Variants in GABRB1 observed in about 807,000 individuals in gnomAD.
GABRB1 encodes gamma-aminobutyric acid type A receptor subunit beta1, also known as gamma-aminobutyric acid receptor subunit beta-1.
GABRB1 carries 17 observed loss-of-function variants against 51.6 expected under a neutral mutation model. The ratio of observed to expected loss-of-function variants is 0.33; its 90% CI spans 0.23 to 0.49. The LOEUF (loss-of-function observed/expected upper bound fraction) is 0.49, where lower values mean the gene tolerates loss of function less well. GABRB1 is among the 20% of genes least tolerant of loss of function. The pLI is 0.99. For synonymous variants in GABRB1, 247 were observed against 218.9 expected (o/e 1.13, Z -1.14); for missense variants, 410 against 600.6 (o/e 0.68, Z 3.32).
intron 3 of GABRB1, among the ~76,000 whole-genome samples, chr4:47,134,098 C>G (rs1577938783): frequency 6.6e-6 from 1 of 152,114 alleles, no homozygotes; most frequent in South Asian, 2.1e-4. Context: ...TTTGTATATG[C>G]ATTGCTATTT....
At position 46,997,105 on chromosome 4, in the gene GABRB1, T is replaced by C. The variant is rs148998506; in HGVS notation, c.-20+3179T>C. 9.8e-5 allele frequency among the ~76,000 whole-genome samples: 15 copies of C among 152,288 alleles called. No homozygotes were observed. In the East Asian group the frequency reaches 2.7e-3, roughly 27 times the overall value. ...CTTAGTTAATGCCTTTTCTCATTTG[T>C]ATTAAAACAGTGTTTCCACTGAAAT... On this transcript the variant is annotated intron_variant, in intron 1 of 3. Transcript: ENST00000513567.
At chr4:47,145,483 T>C (rs1446036617) in intron 3 of GABRB1, among the ~76,000 whole-genome samples, 2 of 151,958 alleles carry the variant, frequency 1.3e-5, no homozygotes, top group African/African-American at 2.4e-5. Flanking sequence ...AATACTAAAA[T>C]GTGAAGGACA....
At chr4:47,227,263 G>T (rs1720977618) in intron 4 of GABRB1, among the ~76,000 whole-genome samples, 2 of 152,100 alleles carry the variant, frequency 1.3e-5, no homozygotes, top group African/African-American at 4.8e-5. Flanking sequence ...CAAACAAATA[G>T]ATAATAAATA....
At chr4:47,302,955 T>C (rs1445673068) in intron 4 of GABRB1, among the ~76,000 whole-genome samples, 2 of 151,988 alleles carry the variant, frequency 1.3e-5, no homozygotes, top group African/African-American at 4.8e-5. Flanking sequence ...TATGTATCAT[T>C]TCCCTTGTTA....
chr4:47,331,048 A>G (rs769791405), intron 5 of GABRB1, among the ~76,000 whole-genome samples: 3 of 152,174 alleles, frequency 2.0e-5, no homozygotes, highest in Non-Finnish European at 4.4e-5. Flanking sequence ...TGAATGATTC[A>G]TGACTTCCTT....
chr4:47,200,325 G>A (rs1300427862), intron 4 of GABRB1, among the ~76,000 whole-genome samples: 1 of 152,212 alleles, frequency 6.6e-6, no homozygotes, highest in African/African-American at 2.4e-5. Flanking sequence ...CTAGCTGTGA[G>A]TGGCTGAGGT....
At chr4:47,130,484 C>T (rs1447689633) in intron 3 of GABRB1, among the ~76,000 whole-genome samples, 1 of 152,090 alleles carries the variant, frequency 6.6e-6, no homozygotes, top group Non-Finnish European at 1.5e-5. Flanking sequence ...TCCTTTCAGT[C>T]TGGAGCCCAC....
chr4:47,412,827 AT>A (rs1728801071), intron 8 of GABRB1, among the ~76,000 whole-genome samples: 1 of 152,212 alleles, frequency 6.6e-6, no homozygotes, highest in Admixed American at 6.5e-5. Flanking sequence ...GGCATGAAAG[AT>A]TGGTCAGACC....
intron 1 of GABRB1, among the ~76,000 whole-genome samples, chr4:46,997,702 G>C (rs1724045557): frequency 6.6e-6 from 1 of 151,834 alleles, no homozygotes; most frequent in South Asian, 2.1e-4. Flanking sequence ...TTACAAAGCT[G>C]TACATATAGA....
chr4:47,032,550 G>C, intron 3 of GABRB1, 66 bp downstream of exon 3: 1 of 1,473,006 alleles, frequency 6.8e-7, no homozygotes, highest in Non-Finnish European at 9.5e-7. Context: ...AGGTCCCTTT[G>C]CCCTCTGCGT....
At chr4:47,327,333 A>G (rs1296937624) in intron 5 of GABRB1, among the ~76,000 whole-genome samples, 2 of 149,598 alleles carry the variant, frequency 1.3e-5, no homozygotes, top group Non-Finnish European at 3.0e-5. Context: ...GCTTAAAAGA[A>G]AAAAAAAAAA....
chr4:47,046,801 A>G (rs1726109874), intron 3 of GABRB1, among the ~76,000 whole-genome samples: 1 of 152,218 alleles, frequency 6.6e-6, no homozygotes, highest in Non-Finnish European at 1.5e-5. Flanking sequence ...ACCATGGAAT[A>G]CTATGCAGCC....
intron 3 of GABRB1, among the ~76,000 whole-genome samples, chr4:47,116,532 G>A (rs755428673): frequency 6.6e-6 from 1 of 152,146 alleles, no homozygotes; most frequent in Non-Finnish European, 1.5e-5. Context: ...TATGTCAGCA[G>A]CATTGTCACT....
In GABRB1 at chr4:47,269,976, A is replaced by ACG. The variant is rs59512370; in HGVS notation, c.462-50151_462-50150insCG. ...CACACACACACACACACACACACAC[A>ACG]GGCTGAGTCTGATGACTCTTAAAGA... On this transcript the variant is annotated intron_variant, in intron 4 of 8. Transcript: ENST00000295454. Among the ~76,000 whole-genome samples the ACG allele has an allele frequency of 5.7e-3, 856 of 151,364 alleles. 5 individuals carry two copies. Among genetic ancestry groups the ACG allele is most frequent in the African/African-American group, 0.02 (808 of 41,122 alleles).
chr4:47,143,143 TA>T (rs1179229245), intron 3 of GABRB1, among the ~76,000 whole-genome samples: 5 of 151,904 alleles, frequency 3.3e-5, no homozygotes, highest in Non-Finnish European at 5.9e-5. Flanking sequence ...ATGACTTTTC[TA>T]TGATACTACG....
At chr4:47,133,242 G>A (rs1716502602) in intron 3 of GABRB1, among the ~76,000 whole-genome samples, 1 of 152,180 alleles carries the variant, frequency 6.6e-6, no homozygotes, top group Non-Finnish European at 1.5e-5. Context: ...GTGAATGGAT[G>A]ATTGAAATGT....
upstream of GABRB1, among the ~76,000 whole-genome samples, chr4:47,026,574 A>G (rs146043438): frequency 1.3e-3 from 195 of 152,170 alleles, 1 homozygote; most frequent in African/African-American, 4.5e-3. Context: ...AATAGTCCTC[A>G]TTCTCTGTGA....
intron 4 of GABRB1, among the ~76,000 whole-genome samples, chr4:47,179,404 C>A (rs901648389): frequency 1.2e-4 from 19 of 152,046 alleles, no homozygotes; most frequent in African/African-American, 3.6e-4. Flanking sequence ...CCAGAAATAA[C>A]CATTTGAACC....
At chr4:47,384,399 T>G (rs1211582528) in intron 5 of GABRB1, among the ~76,000 whole-genome samples, 1 of 146,122 alleles carries the variant, frequency 6.8e-6, no homozygotes, top group Non-Finnish European at 1.5e-5. Context: ...CAGTGAAAAG[T>G]GACCCCCACA....
Sources: allele counts gnomAD v4.1 joint callset (sites outside exome capture counted in the v4.1 genomes callset), GRCh38; gene constraint gnomAD v4.1.1; transcripts MANE v1.5; gene names NCBI Gene and HGNC (gene_info 2026-07-23, HGNC 2026-07-21).